The following STXBP2 variants were observed in gnomAD, a reference collection of about 807,000 sequenced individuals.
STXBP2 encodes syntaxin binding protein 2.
Under a neutral mutation model 72.2 loss-of-function variants are expected in STXBP2, and 47 were observed. The ratio of observed to expected loss-of-function variants is 0.65; its 90% confidence interval spans 0.51 to 0.83. The LOEUF is 0.83. Among genes scored for constraint, STXBP2 ranks in the 40% least tolerant of loss-of-function variants. The pLI is 0.00. For missense variants in STXBP2, 702 were observed against 807.6 expected (o/e 0.87, Z 1.58); for synonymous variants, 367 against 338.7 (o/e 1.08, Z -0.92).
Position 7,647,339 on chromosome 19 carries a change from C to T in STXBP2, c.1539-15C>T. ...AGGGCCTCCTGCCTGGACTTTCTGC[C>T]CCTGCCCTGCACAGTGCCCGCTTCG... On this transcript the variant is annotated splice_polypyrimidine_tract_variant and intron_variant, in intron 17 of 18. Transcript: ENST00000221283. The T allele has an allele frequency of 1.2e-6, 2 of 1,612,958 alleles. No individual in the cohort carries two copies. The highest frequency in any genetic ancestry group is 1.7e-6 in the Non-Finnish European group (2 of 1,179,930).
rs898378384 is a variant in STXBP2 at position 7,640,121 on chromosome 19, CGTGTGTATGT to C, written c.246+315_246+324del. On this transcript the variant is annotated intron_variant, in intron 4 of 18. Transcript: ENST00000221283. ...ATTTGTGTCTGTGCATGTGTGTATG[CGTGTGTATGT>C]ATGTGTGTGTGCATCTGTGTGCATC... The C allele has an allele frequency of 1.9e-5, 10 of 517,730 alleles. No homozygotes were observed. The African/African-American group carries it at 2.1e-4, about 11-fold the overall frequency. 32.1% of individuals were successfully genotyped at this position (517,730 alleles called of 1,614,324 possible). A position where few individuals can be genotyped will look rare whatever the true frequency, so the allele number is the denominator to read the frequency against.
At chr19:7,640,033 TGC>T (rs1243483310) in intron 4 of STXBP2, 2 of 666,990 alleles carry the variant, frequency 3.0e-6, no homozygotes, top group East Asian at 5.8e-5. Context: ...TGCATGTGTG[TGC>T]GTCTGTGTGT....
In STXBP2 at chr19:7,641,735, TAC is replaced by T; in HGVS notation, c.462_463del (p.Tyr154Ter). 6.4e-7 allele frequency: 1 copy of T among 1,553,630 alleles called. No homozygotes were observed. Among genetic ancestry groups the T allele is most frequent in the Non-Finnish European group, 8.7e-7 (1 of 1,148,790 alleles). On this transcript the variant is annotated frameshift_variant, in exon 7 of 19. Transcript: ENST00000221283. LOFTEE classifies it high-confidence loss of function. ...CTCCCTCGATGCTCCCCACAGCACC[TAC>T]AACCTCTACTGCCCCTTCCGGGCAG... is the stretch of plus-strand genomic sequence containing the variant. ...VFSLDAPHST[Y>X]NLYCPFRAEE... is the part of the protein sequence containing the mutation.
At chr19:7,632,660 C>T (rs984679823), upstream of STXBP2, 5 of 1,555,516 alleles carry the variant, frequency 3.2e-6, no homozygotes, top group Non-Finnish European at 4.3e-6. The surrounding 1 kb of genome is among the most constrained non-coding windows in gnomAD (Gnocchi z 5.2). Flanking sequence ...GACCACTTGC[C>T]CTGCACTCCC....
rs2031848857 is a variant in STXBP2, at chr19:7,640,976, C to T, written c.402C>T (p.His134=). Residue 134 remains histidine (H), a synonymous_variant, in exon 6 of 19, where the codon CAC becomes CAT. Coordinates refer to ENST00000221283, the MANE Select transcript of STXBP2 (RefSeq NM_006949.4). ...TGGTGAAGACGTTGAAGGAGATTCA[C>T]CTTGCCTTCCTCCCCTACGAGGCCC... is the stretch of plus-strand genomic sequence containing the variant. ...AKVVKTLKEI[H]LAFLPYEAQV... 6.2e-7 allele frequency: 1 copy of T among 1,614,186 alleles called. No individual in the cohort carries two copies. Among genetic ancestry groups the T allele is most frequent in the Non-Finnish European group, 8.5e-7 (1 of 1,180,022 alleles).
At chr19:7,646,478 GC>G (rs1202264215) in intron 16 of STXBP2, 134 bp downstream of exon 16, 1 of 887,638 alleles carries the variant, frequency 1.1e-6, no homozygotes, top group Non-Finnish European at 1.8e-6. Flanking sequence ...GCACCGATCT[GC>G]TCTGCTGAGG....
chr19:7,641,873 C>A lies in STXBP2; in HGVS notation c.578+20C>A, dbSNP rs1400173998. 6.4e-7 allele frequency: 1 copy of A among 1,558,156 alleles called. No individual in the cohort carries two copies. Among genetic ancestry groups the A allele is most frequent in the Non-Finnish European group, 8.7e-7 (1 of 1,151,144 alleles). ...CCGCAAGTGGGGACCCCACCCAGCC[C>A]CACCCCGATGCCGACCCCCCCTTAA... On this transcript the variant is annotated intron_variant, in intron 7 of 18. Transcript: ENST00000221283.
Position 7,646,295 on chromosome 19 carries a change from C to T in STXBP2, c.1403C>T (p.Pro468Leu), listed in dbSNP as rs572516987. 7.1e-5 allele frequency: 114 copies of T among 1,611,770 alleles called. 1 individual carries two copies. The South Asian group carries it at 1.2e-3, about 17-fold the overall frequency. The change falls in exon 16 of 19, where the codon CCC becomes CTC. Residue 468 changes from proline to leucine, a missense_variant. Coordinates refer to ENST00000221283, the MANE Select transcript of STXBP2 (RefSeq NM_006949.4). The part of the protein sequence containing the change: ...SRLEPRERME[P>L]TYQLSRWTPV... ...CTGGAGCCGAGAGAACGCATGGAGCCCACCTATCAGCTGTCCCGCTGGACC... is the reference window on the plus strand; with the variant it reads ...CTGGAGCCGAGAGAACGCATGGAGCTCACCTATCAGCTGTCCCGCTGGACC...
In STXBP2 at chr19:7,643,146, C is replaced by T. The variant is rs749674004; in HGVS notation, c.1027-19C>T. On this transcript the variant is annotated intron_variant, in intron 12 of 18. Transcript: ENST00000221283. ...ACTCAGCCTTTGTTATCCCCCAACC[C>T]CCACCCTGCACCCTGCAGTATTCTA... The T allele has an allele frequency of 5.0e-6, 8 of 1,613,726 alleles. No homozygotes were observed. The highest frequency in any genetic ancestry group is 2.2e-5 in the East Asian group (1 of 44,902).
chr19:7,640,628 C>A, intron 4 of STXBP2, 103 bp from the exon 5 acceptor site: 1 of 1,468,350 alleles, frequency 6.8e-7, no homozygotes, highest in Non-Finnish European at 9.5e-7. Context: ...CCCGTCCGTC[C>A]ATGTTTGCAC....
chr19:7,631,536 G>C, the STXBP2 span: 3 of 1,535,792 alleles, frequency 2.0e-6, no homozygotes, highest in African/African-American at 1.4e-5. Context: ...GCTCCTTCGC[G>C]ACGCCCAGCA....
chr19:7,646,534 G>T lies in STXBP2; in HGVS notation c.1452+190G>T, dbSNP rs2032146179. The T allele has an allele frequency of 1.5e-5, 10 of 665,226 alleles. No individual in the cohort carries two copies. The South Asian group carries it at 1.7e-4, about 11-fold the overall frequency. The allele number at this position is 665,226 out of a possible 1,614,324, so 41.2% of individuals were successfully genotyped here. A position where few individuals can be genotyped will look rare whatever the true frequency, so the allele number is the denominator to read the frequency against. ...GCTGAGGAATTGGGGTGACAGCGGG[G>T]CCTGTGCTGGGGAGCCTCACTTCCT... On this transcript the variant is annotated intron_variant, in intron 16 of 18. Transcript: ENST00000221283.
chr19:7,644,091 C>G (rs111570536), intron 13 of STXBP2, among the ~76,000 whole-genome samples: 3,175 of 17,488 alleles, frequency 0.18, no homozygotes, highest in Admixed American at 0.22. Flanking sequence ...CCTTGGAGAG[C>G]TGGGACCTGG....
At chr19:7,640,491 T>A in intron 4 of STXBP2, 1 of 686,962 alleles carries the variant, frequency 1.5e-6, no homozygotes, top group Non-Finnish European at 2.7e-6. Context: ...TGTGTATGTG[T>A]GTGTGCATCT....
rs559252174 is a variant in STXBP2, at chr19:7,641,068, A to G, written c.429+65A>G. The G allele has an allele frequency of 1.7e-4, 258 of 1,542,884 alleles. No individual in the cohort carries two copies. In the East Asian group the frequency reaches 3.3e-3, roughly 20 times the overall value. The stretch of plus-strand genomic sequence containing the variant: ...GTGACCAAATGTCCCCTGTTCCCTC[A>G]GAAACAGACACTGAGGCTGGGCGCA... On this transcript the variant is annotated intron_variant, in intron 6 of 18. Coordinates refer to ENST00000221283, the MANE Select transcript of STXBP2 (RefSeq NM_006949.4).
chr19:7,637,670 C>T (rs1036537042), intron 1 of STXBP2, among the ~76,000 whole-genome samples: 2 of 152,114 alleles, frequency 1.3e-5, no homozygotes, highest in Non-Finnish European at 2.9e-5. Flanking sequence ...TTTCCAGGAG[C>T]GCCTTGCAGC....
chr19:7,631,808 C>T, the STXBP2 span: 13 of 1,402,854 alleles, frequency 9.3e-6, no homozygotes, highest in African/African-American at 1.5e-5. Flanking sequence ...TGTGCTCCGT[C>T]CTGTGGATGA....
chr19:7,630,055 C>T, the STXBP2 span: 3 of 601,974 alleles, frequency 5.0e-6, no homozygotes. Context: ...ATTTGGGCTT[C>T]TGGGTTTGGG....
intron 16 of STXBP2, chr19:7,646,584 A>T: frequency 1.7e-6 from 1 of 602,568 alleles, no homozygotes; most frequent in Admixed American, 2.4e-5. Flanking sequence ...TGCCTCCGCT[A>T]TATCTCTCTA....
Sources: allele counts gnomAD v4.1 joint callset (sites outside exome capture counted in the v4.1 genomes callset), GRCh38; gene constraint gnomAD v4.1.1; non-coding constraint Gnocchi (gnomAD v3.1); transcripts MANE v1.5; gene names NCBI Gene and HGNC (gene_info 2026-07-23, HGNC 2026-07-21).